The following ZNF608 variants were observed in gnomAD, a reference collection of about 807,000 sequenced individuals.
ZNF608 encodes zinc finger protein 608, also known as renal carcinoma antigen NY-REN-36.
A neutral mutation model predicts 109.0 loss-of-function variants in ZNF608; 12 were observed. That is an observed-to-expected ratio of 0.11 (90% CI 0.07 to 0.18). The LOEUF (loss-of-function observed/expected upper bound fraction) is 0.18, where lower values mean the gene tolerates loss of function less well. Ranked by LOEUF, ZNF608 falls within the 10% of genes least tolerant of loss-of-function variation. The probability of loss-of-function intolerance (pLI) is 1.00; values close to 1 mark genes in which losing one functional copy is unlikely to be tolerated. For synonymous variants in ZNF608, 732 were observed against 717.4 expected (o/e 1.02, Z -0.33); for missense variants, 1,707 against 1,879.3 (o/e 0.91, Z 1.70).
At chr5:124,680,950 G>T (rs557319169) in intron 3 of ZNF608, among the ~76,000 whole-genome samples, 1 of 151,958 alleles carries the variant, frequency 6.6e-6, no homozygotes, top group Admixed American at 6.6e-5. Flanking sequence ...AATACAAAAC[G>T]CATATAAACC....
chr5:124,659,916 C>T (rs964021916), intron 3 of ZNF608, among the ~76,000 whole-genome samples: 1 of 152,148 alleles, frequency 6.6e-6, no homozygotes, highest in Non-Finnish European at 1.5e-5. Flanking sequence ...AAAGTCAGAG[C>T]GCTTATTTGC....
intron 2 of ZNF608, among the ~76,000 whole-genome samples, chr5:124,717,550 G>C (rs1212761746): frequency 1.3e-5 from 2 of 152,246 alleles, no homozygotes; most frequent in Admixed American, 6.5e-5. Context: ...TCTAATATTT[G>C]ATCTCAAAAA....
At chr5:124,709,696 C>G (rs1580671801) in intron 2 of ZNF608, among the ~76,000 whole-genome samples, 1 of 152,196 alleles carries the variant, frequency 6.6e-6, no homozygotes, top group Non-Finnish European at 1.5e-5. Flanking sequence ...GCTCAGAGAG[C>G]TGTGTGTGCT....
At chr5:124,688,014 T>C (rs548087199) in intron 3 of ZNF608, among the ~76,000 whole-genome samples, 1 of 152,298 alleles carries the variant, frequency 6.6e-6, no homozygotes, top group South Asian at 2.1e-4. Context: ...AAATGCTTTC[T>C]AGAAAATCCT....
intron 2 of ZNF608, among the ~76,000 whole-genome samples, chr5:124,742,531 AT>A (rs1440202320): frequency 2.0e-5 from 3 of 152,216 alleles, no homozygotes; most frequent in Non-Finnish European, 4.4e-5. Flanking sequence ...TAATAAGAAG[AT>A]TTCAGAACAC....
At position 124,709,064 on chromosome 5, in the gene ZNF608, G is replaced by A. The variant is rs370674166; in HGVS notation, c.907-7795C>T. Among the ~76,000 whole-genome samples, 17 of 151,398 alleles carry A rather than the reference G, an allele frequency of 1.1e-4. No homozygotes were observed. The South Asian group carries it at 2.7e-3, about 24-fold the overall frequency. On this transcript the variant is annotated intron_variant, in intron 2 of 9. Transcript: ENST00000513986. ...GCGGCTCCTGTAATCCCAGCTACTC[G>A]GGAGGCTGAGGCAGGAGAATTGCTT...
At chr5:124,646,584 C>A in intron 5 of ZNF608, 95 bp downstream of exon 5, 1 of 1,446,238 alleles carries the variant, frequency 6.9e-7, no homozygotes, top group Non-Finnish European at 9.2e-7. Flanking sequence ...GGGTTTCTTT[C>A]CTGTGTCAGA....
intron 2 of ZNF608, among the ~76,000 whole-genome samples, chr5:124,743,569 G>A (rs1262105747): frequency 6.6e-6 from 1 of 152,214 alleles, no homozygotes; most frequent in African/African-American, 2.4e-5. Context: ...TAAAAGGGAT[G>A]AGGTCTGTAG....
chr5:124,699,834 T>C (rs1474366289), intron 3 of ZNF608, among the ~76,000 whole-genome samples: 2 of 152,208 alleles, frequency 1.3e-5, no homozygotes, highest in Non-Finnish European at 2.9e-5. Flanking sequence ...CTATTTTTTC[T>C]CAACTACTTC....
At chr5:124,734,552 C>A (rs1749058344) in intron 2 of ZNF608, 1 of 152,194 alleles carries the variant, frequency 6.6e-6, no homozygotes, top group South Asian at 2.1e-4. Context: ...CACAGGAACC[C>A]ACCTACTATA....
At chr5:124,719,819 T>C (rs1019788304) in intron 2 of ZNF608, among the ~76,000 whole-genome samples, 7 of 152,186 alleles carry the variant, frequency 4.6e-5, no homozygotes, top group Admixed American at 4.6e-4. Flanking sequence ...AATCCTAACC[T>C]ACCTAGGAGA....
At position 124,744,239 on chromosome 5, in the gene ZNF608, G is replaced by A; in HGVS notation, c.751C>T (p.His251Tyr). Reference protein sequence around the residue: ...KSNGGGASPFHCGGTGSGSVA... With the variant: ...KSNGGGASPFYCGGTGSGSVA... ...CTGCCACTCCCAGTGCCCCCGCAGTGGAAGGGGCTCGCGCCACCTCCATTG... is the reference window on the plus strand; with the variant it reads ...CTGCCACTCCCAGTGCCCCCGCAGTAGAAGGGGCTCGCGCCACCTCCATTG... The change falls in exon 2 of 10, where the codon CAC becomes TAC. Residue 251 changes from histidine (H) to tyrosine (Y), a missense_variant. Around this residue, in one of 7 missense-constraint regions of ZNF608, gnomAD observed 407 missense variants for 398.7 expected, o/e 1.02. Transcript: ENST00000513986. This position sits in a 1 kb window ranked among gnomAD's most constrained non-coding sequence, Gnocchi z 4.5. The A allele has an allele frequency of 6.2e-7, 1 of 1,613,738 alleles. No individual in the cohort carries two copies. The highest frequency in any genetic ancestry group is 8.5e-7 in the Non-Finnish European group (1 of 1,179,948).
intron 3 of ZNF608, among the ~76,000 whole-genome samples, chr5:124,681,181 G>A (rs1402810098): frequency 3.9e-5 from 6 of 152,166 alleles, no homozygotes; most frequent in South Asian, 2.1e-4. Context: ...GGCCAGGTGC[G>A]GTGGCTCACG....
At chr5:124,694,678 C>T (rs560342875) in intron 3 of ZNF608, among the ~76,000 whole-genome samples, 11 of 151,882 alleles carry the variant, frequency 7.2e-5, no homozygotes, top group African/African-American at 2.4e-4. Flanking sequence ...CCCATTAACT[C>T]GTCATTTACA....
intron 2 of ZNF608, among the ~76,000 whole-genome samples, chr5:124,704,870 T>C (rs1244493818): frequency 6.6e-6 from 1 of 152,046 alleles, no homozygotes. Flanking sequence ...AAGCTGTCTC[T>C]AGTGGCAGCC....
chr5:124,712,305 G>A (rs370160008), intron 2 of ZNF608, among the ~76,000 whole-genome samples: 1 of 152,168 alleles, frequency 6.6e-6, no homozygotes, highest in South Asian at 2.1e-4. Context: ...ACAGTGTCAT[G>A]GCCTGGGATG....
At position 124,647,600 on chromosome 5, in the gene ZNF608, C is replaced by G; in HGVS notation, c.2784G>C (p.Glu928Asp). Residue 928 changes from glutamate (E) to aspartate (D), a missense_variant, in exon 5 of 10, where the codon GAG (glutamate) becomes GAC (aspartate). Physicochemically the swap from Glu to Asp is conservative, Grantham distance 45 (BLOSUM62 2). Around this residue, in one of 7 missense-constraint regions of ZNF608, gnomAD observed 1,073 missense variants for 1,133.5 expected, o/e 0.95. Coordinates refer to ENST00000513986, the MANE Select transcript of ZNF608 (RefSeq NM_020747.3). ...GGCTGCTTGTCTTTGCAGCTGAACTCTCTGCCCCATTCTGGGTCAACACAT... is the reference window on the plus strand; with the variant it reads ...GGCTGCTTGTCTTTGCAGCTGAACTGTCTGCCCCATTCTGGGTCAACACAT... The part of the protein sequence containing the change: ...PLHVLTQNGA[E>D]SSAAKTSSPA... 2 of 1,614,236 alleles carry G rather than the reference C, an allele frequency of 1.2e-6. No individual in the cohort carries two copies. Among genetic ancestry groups the G allele is most frequent in the Non-Finnish European group, 1.7e-6 (2 of 1,180,048 alleles).
intron 2 of ZNF608, among the ~76,000 whole-genome samples, chr5:124,727,652 CAAAAAAAAAA>C (rs369834437): frequency 3.6e-5 from 3 of 82,448 alleles, no homozygotes; most frequent in African/African-American, 4.7e-5. Context: ...AAAATCAGAC[CAAAAAAAAAA>C]AAAAAAAACC....
intron 2 of ZNF608, among the ~76,000 whole-genome samples, chr5:124,725,673 A>C (rs1754110728): frequency 1.3e-5 from 2 of 152,024 alleles, no homozygotes; most frequent in Admixed American, 1.3e-4. Context: ...TAAAATGAAA[A>C]CGCTCTAGTT....
Sources: gnomAD v4.1 joint callset for allele counts (sites outside exome capture counted in the v4.1 genomes callset) on GRCh38, gnomAD v4.1.1 for gene constraint, gnomAD v4.1.1 regional missense constraint, Gnocchi (gnomAD v3.1) non-coding constraint, MANE v1.5 for transcripts, NCBI Gene and HGNC (gene_info 2026-07-23, HGNC 2026-07-21) for gene names.